The following RAB3D variants were observed in gnomAD, a reference collection of about 807,000 sequenced individuals.
RAB3D encodes RAB3D, member RAS oncogene family.
In RAB3D, 17 loss-of-function variants were observed where a neutral mutation model predicts 19.3. That is an observed-to-expected ratio of 0.88 (90% confidence interval 0.60 to 1.32). RAB3D has a LOEUF of 1.32. Among genes scored for constraint, RAB3D ranks in the 40% most tolerant of loss-of-function variants. The probability of loss-of-function intolerance (pLI) is 0.00; values close to 1 mark genes in which losing one functional copy is unlikely to be tolerated. For synonymous variants in RAB3D, 103 were observed against 119.9 expected (o/e 0.86, Z 0.92); for missense variants, 223 against 299.1 (o/e 0.75, Z 1.88).
Position 11,324,653 on chromosome 19 carries a change from C to T in RAB3D, c.*745G>A, listed in dbSNP as rs1257041024. ...TGGTCCATAGTTCCAGAATTCACTT[C>T]AGGATCAGAGATGTGGTGAACACAG... On this transcript the variant is annotated 3_prime_UTR_variant, in exon 5 of 5. Transcript: ENST00000222120. 1 of 152,622 alleles carries T rather than the reference C, an allele frequency of 6.6e-6. No homozygotes were observed. Among genetic ancestry groups the T allele is most frequent in the Admixed American group, 6.6e-5 (1 of 15,248 alleles). 9.5% of individuals were successfully genotyped at this position (152,622 alleles called of 1,614,324 possible). A position where few individuals can be genotyped will look rare whatever the true frequency, so the allele number is the denominator to read the frequency against.
At chr19:11,329,947 G>A (rs2147967991) in intron 4 of RAB3D, among the ~76,000 whole-genome samples, 1 of 152,242 alleles carries the variant, frequency 6.6e-6, no homozygotes, top group South Asian at 2.1e-4. Context: ...CTCCCAAAGT[G>A]CTAGGATTAC....
chr19:11,325,900 C>A (rs572494866), intron 4 of RAB3D, among the ~76,000 whole-genome samples: 33 of 151,856 alleles, frequency 2.2e-4, no homozygotes, highest in Non-Finnish European at 4.3e-4. Context: ...ATAGCAAGGC[C>A]CTATCTCTAC....
At position 11,326,629 on chromosome 19, in the gene RAB3D, G is replaced by C. The variant is rs564701867; in HGVS notation, c.473-1044C>G. 2.6e-5 allele frequency among the ~76,000 whole-genome samples: 4 copies of C among 152,248 alleles called. 1 individual carries two copies. In the South Asian group the frequency reaches 8.3e-4, roughly 32 times the overall value. On this transcript the variant is annotated intron_variant, in intron 4 of 4. Coordinates refer to ENST00000222120, the MANE Select transcript of RAB3D (RefSeq NM_004283.4). ...CCATTGCTTTTTTTAAAAGAGAAAC[G>C]GTCTCTCTCTATTGCCCAGGCCGGG... is the stretch of plus-strand genomic sequence containing the variant.
At chr19:11,331,028 A>T (rs1243721002) in intron 4 of RAB3D, among the ~76,000 whole-genome samples, 1 of 151,794 alleles carries the variant, frequency 6.6e-6, no homozygotes, top group Non-Finnish European at 1.5e-5. Context: ...AAAAAAAAAA[A>T]AAATTTAAAA....
chr19:11,330,055 G>A (rs181867340), intron 4 of RAB3D, among the ~76,000 whole-genome samples: 2 of 152,100 alleles, frequency 1.3e-5, no homozygotes, highest in Admixed American at 6.6e-5. Context: ...GATATAATCC[G>A]CAAGTAGGTG....
rs143406149 is a variant in RAB3D at position 11,335,498 on chromosome 19, C to T, written c.421G>A (p.Asp141Asn). 6.3e-4 allele frequency: 1,024 copies of T among 1,614,212 alleles called. 3 individuals carry two copies. Among genetic ancestry groups the T allele is most frequent in the Non-Finnish European group, 5.1e-4 (602 of 1,180,048 alleles). The change falls in exon 4 of 5, where the codon GAC becomes AAC. Residue 141 changes from aspartate to asparagine, a missense_variant. Transcript: ENST00000222120. ...TCCTCAGCAGGCACAACACGTTCGT[C>T]CTCCAGGTCACACTTGTTCCCCACC... ...ILVGNKCDLE[D>N]ERVVPAEDGR...
intron 4 of RAB3D, among the ~76,000 whole-genome samples, chr19:11,329,774 C>G (rs1235537478): frequency 6.6e-6 from 1 of 151,912 alleles, no homozygotes; most frequent in Non-Finnish European, 1.5e-5. Context: ...CTCCGCCTCC[C>G]GGGTTCAAAT....
At position 11,335,285 on chromosome 19, in the gene RAB3D, C is replaced by G. The variant is rs539325075; in HGVS notation, c.472+162G>C. Reference sequence around the variant, plus strand: ...CAGTGGGGCAGTGGGAGTTCCTGCGCGTGGATCCCCTGCAATTAGACGGGA... The same window carrying G: ...CAGTGGGGCAGTGGGAGTTCCTGCGGGTGGATCCCCTGCAATTAGACGGGA... On this transcript the variant is annotated intron_variant, in intron 4 of 4. Coordinates refer to ENST00000222120, the MANE Select transcript of RAB3D (RefSeq NM_004283.4). Among the ~76,000 whole-genome samples, 6 of 152,302 alleles carry G rather than the reference C, an allele frequency of 3.9e-5. 1 individual carries two copies. In the South Asian group the frequency reaches 1.2e-3, roughly 32 times the overall value.
Position 11,335,473 on chromosome 19 carries a change from T to C in RAB3D, c.446A>G (p.Asp149Gly), listed in dbSNP as rs141505158. Residue 149 changes from aspartate (D) to glycine (G), a missense_variant, in exon 4 of 5, where the codon GAT becomes GGT. Asp to Gly is a moderately conservative substitution (Grantham distance 94). Transcript: ENST00000222120. ...LEDERVVPAEDGRRLADDLGF... is the reference protein window; with the variant it reads ...LEDERVVPAEGGRRLADDLGF... Reference sequence around the variant, plus strand: ...AAGGTCGTCGGCGAGCCTCCGGCCATCCTCAGCAGGCACAACACGTTCGTC... The same window carrying C: ...AAGGTCGTCGGCGAGCCTCCGGCCACCCTCAGCAGGCACAACACGTTCGTC... 9.3e-6 allele frequency: 15 copies of C among 1,614,048 alleles called. No individual in the cohort carries two copies. The African/African-American group carries it at 1.9e-4, about 20-fold the overall frequency.
intron 1 of RAB3D, 46 bp from the exon 2 acceptor site, chr19:11,337,506 G>C (rs1172323827): frequency 3.4e-6 from 3 of 877,872 alleles, no homozygotes; most frequent in Non-Finnish European, 5.5e-6. Flanking sequence ...GAATGCACCA[G>C]GCCTGGATTC....
chr19:11,326,307 G>A (rs1273731265), intron 4 of RAB3D, among the ~76,000 whole-genome samples: 1 of 149,752 alleles, frequency 6.7e-6, no homozygotes, highest in African/African-American at 2.6e-5. Context: ...TTTGAGCCCA[G>A]GAGGTCAAGG....
intron 1 of RAB3D, among the ~76,000 whole-genome samples, chr19:11,339,156 A>T (rs896281922): frequency 6.6e-6 from 1 of 151,702 alleles, no homozygotes; most frequent in Non-Finnish European, 1.5e-5. Flanking sequence ...GCCTTAGCTC[A>T]CCTGTGTCAG....
At chr19:11,335,850 G>T in intron 2 of RAB3D, 67 bp from the exon 3 acceptor site, 6 of 1,415,292 alleles carry the variant, frequency 4.2e-6, no homozygotes, top group Non-Finnish European at 6.0e-6. Flanking sequence ...GTCTTAGAGG[G>T]GCACTGCCCT....
intron 2 of RAB3D, 54 bp downstream of exon 2, chr19:11,337,118 T>G: frequency 4.2e-6 from 6 of 1,429,806 alleles, no homozygotes; most frequent in Non-Finnish European, 5.8e-6. Flanking sequence ...AACCCTCCAA[T>G]GAACTTTCCT....
At chr19:11,326,047 C>A (rs2080810824) in intron 4 of RAB3D, among the ~76,000 whole-genome samples, 1 of 151,904 alleles carries the variant, frequency 6.6e-6, no homozygotes, top group African/African-American at 2.4e-5. Flanking sequence ...ATGGTGAAAC[C>A]CCATCTCTAC....
chr19:11,334,302 T>TCTA (rs979800176), intron 4 of RAB3D, among the ~76,000 whole-genome samples: 1 of 151,552 alleles, frequency 6.6e-6, no homozygotes, highest in Non-Finnish European at 1.5e-5. Flanking sequence ...AAACCCCATC[T>TCTA]CTACTGAAAA....
chr19:11,334,202 G>A (rs896595473), intron 4 of RAB3D, among the ~76,000 whole-genome samples: 1 of 152,112 alleles, frequency 6.6e-6, no homozygotes, highest in African/African-American at 2.4e-5. Context: ...GCCAGGCACG[G>A]TGGCTCACGC....
chr19:11,328,373 C>A (rs577156259), intron 4 of RAB3D, among the ~76,000 whole-genome samples: 1 of 146,856 alleles, frequency 6.8e-6, no homozygotes, highest in African/African-American at 2.6e-5. Flanking sequence ...TGGGGGGTGC[C>A]AGGCGTGGTG....
chr19:11,329,419 C>A (rs1034937006), intron 4 of RAB3D, among the ~76,000 whole-genome samples: 12 of 151,466 alleles, frequency 7.9e-5, no homozygotes, highest in Non-Finnish European at 1.0e-4. Context: ...ACCAGCCTGA[C>A]CAACATGGTG....
Sources: allele counts gnomAD v4.1 joint callset (sites outside exome capture counted in the v4.1 genomes callset), GRCh38; gene constraint gnomAD v4.1.1; transcripts MANE v1.5; gene names NCBI Gene and HGNC (gene_info 2026-07-23, HGNC 2026-07-21).